SIK3: variants seen among roughly 807,000 people sequenced by gnomAD.
SIK3 encodes the protein serine/threonine-protein kinase SIK3.
Under a neutral mutation model 144.2 loss-of-function variants are expected in SIK3, and 28 were observed. The observed-to-expected ratio is 0.19, with a 90% CI of 0.14 to 0.27. The LOEUF (loss-of-function observed/expected upper bound fraction) is 0.27. Among genes scored for constraint, SIK3 ranks in the 10% least tolerant of loss-of-function variants. SIK3 has a pLI of 1.00. For synonymous variants in SIK3, 686 were observed against 676.3 expected, an observed-to-expected ratio of 1.01 and a Z score of -0.22; for missense variants, 1,319 against 1,776.0, an observed-to-expected ratio of 0.74 and a Z score of 4.62.
rs1555106746 is a variant in SIK3 at position 116,945,404 on chromosome 11, T to TA, written c.454+8639dup. 5.7e-3 allele frequency among the ~76,000 whole-genome samples: 791 copies of TA among 138,882 alleles called. 1 individual carries two copies. The highest frequency in any genetic ancestry group is 0.011 in the Middle Eastern group (3 of 264). 91.1% of individuals were successfully genotyped at this position (138,882 alleles called of 152,430 possible). ...TCTTTTTTTTTTTTTTTTTTTTTTT[T>TA]AAATAACAGAGAATTTCTCCATGTT... On this transcript the variant is annotated intron_variant, in intron 3 of 24. Coordinates refer to ENST00000445177, the MANE Select transcript of SIK3 (RefSeq NM_001366686.3).
At position 117,098,155 on chromosome 11, in the gene SIK3, G is replaced by T; in HGVS notation, c.261C>A (p.Val87=). ...CCTGCGCCGGTACCTTGGCCTTGGTGACGAGGTGCGTGGCCCGCTTGACCA... is the reference window on the plus strand; with the variant it reads ...CCTGCGCCGGTACCTTGGCCTTGGTTACGAGGTGCGTGGCCCGCTTGACCA... ...FAVVKRATHL[V]TKAKVAIKII... The change falls in exon 1 of 25, where the codon GTC becomes GTA. Residue 87 remains valine (V), a synonymous_variant. Coordinates refer to ENST00000445177, the MANE Select transcript of SIK3 (RefSeq NM_001366686.3). 1 of 1,505,696 alleles carries T rather than the reference G, an allele frequency of 6.6e-7. No homozygotes were observed. 93.3% of individuals were successfully genotyped at this position (1,505,696 alleles called of 1,614,324 possible).
chr11:116,998,749 G>C (rs951050281), intron 1 of SIK3, among the ~76,000 whole-genome samples: 34 of 152,252 alleles, frequency 2.2e-4, no homozygotes, highest in African/African-American at 7.5e-4. Flanking sequence ...TTAATCTAGT[G>C]CTCTGCTCTT....
intron 1 of SIK3, among the ~76,000 whole-genome samples, chr11:117,076,147 C>T (rs979665913): frequency 6.6e-6 from 1 of 152,084 alleles, no homozygotes; most frequent in Non-Finnish European, 1.5e-5. Context: ...CTGCACCCGG[C>T]CAGTTACTGA....
rs541910078 is a variant in SIK3 at position 116,879,229 on chromosome 11, T to C, written c.866-2187A>G. Among the ~76,000 whole-genome samples the C allele has an allele frequency of 8.9e-4, 136 of 152,342 alleles. 1 individual carries two copies. Among genetic ancestry groups the C allele is most frequent in the African/African-American group, 3.2e-3 (133 of 41,582 alleles). On this transcript the variant is annotated intron_variant, in intron 6 of 24. Transcript: ENST00000445177. ...TAGGTTTTTAAATTTTCTGCTTCTA[T>C]TTAATCACAACCGTCCTGAAAACAA...
At chr11:117,080,511 T>G (rs996826238) in intron 1 of SIK3, among the ~76,000 whole-genome samples, 1 of 152,228 alleles carries the variant, frequency 6.6e-6, no homozygotes, top group African/African-American at 2.4e-5. Flanking sequence ...TAAATAAAAT[T>G]CTTTTATTTT....
rs1943144588 is a variant in SIK3 at position 116,858,833 on chromosome 11, G to T, written c.2766-134C>A. ...TGTGACAGAGAAGTGGCAGATGTAT[G>T]CATTGTCCCTATTTATTCCATTACT... On this transcript the variant is annotated intron_variant, in intron 20 of 24. Coordinates refer to ENST00000445177, the MANE Select transcript of SIK3 (RefSeq NM_001366686.3). The surrounding 1 kb of genome is among the most constrained non-coding windows in gnomAD (Gnocchi z 5.4). 1 of 1,318,072 alleles carries T rather than the reference G, an allele frequency of 7.6e-7. No individual in the cohort carries two copies. The allele number at this position is 1,318,072 out of a possible 1,614,324, so 81.6% of individuals were successfully genotyped here. A position where few individuals can be genotyped will look rare whatever the true frequency, so the allele number is the denominator to read the frequency against.
chr11:117,063,167 T>C (rs764588677), intron 1 of SIK3, among the ~76,000 whole-genome samples: 5 of 152,196 alleles, frequency 3.3e-5, no homozygotes, highest in East Asian at 1.9e-4. Flanking sequence ...CTTCATATCA[T>C]TGGGTCTAAA....
intron 4 of SIK3, among the ~76,000 whole-genome samples, chr11:116,916,796 C>CA (rs34262569): frequency 1.4e-3 from 179 of 129,830 alleles, no homozygotes; most frequent in Middle Eastern, 4.1e-3. Context: ...AGGTGTGAGC[C>CA]AAAAAAAAAA....
At chr11:116,862,107 A>G in intron 17 of SIK3, 95 bp downstream of exon 17, 1 of 1,565,256 alleles carries the variant, frequency 6.4e-7, no homozygotes, top group Non-Finnish European at 8.8e-7. Context: ...CCTCAAATCC[A>G]CTTTGCACTG....
intron 1 of SIK3, among the ~76,000 whole-genome samples, chr11:116,995,737 A>G (rs1950643827): frequency 6.6e-6 from 1 of 152,206 alleles, no homozygotes; most frequent in East Asian, 1.9e-4. Flanking sequence ...TAACTCTACA[A>G]TAATTATCTT....
At chr11:116,969,571 GAGATCAAGTTGGCATTTTTTGAAAC>G (rs1949695126) in intron 1 of SIK3, among the ~76,000 whole-genome samples, 2 of 108,554 alleles carry the variant, frequency 1.8e-5, no homozygotes, top group African/African-American at 7.1e-5. Context: ...TTGAAACTAA[GAGATCAAGTTGGCATTTTTTGAAAC>G]TAAGTAAAAA....
chr11:116,989,865 A>G (rs1201201530), intron 1 of SIK3, among the ~76,000 whole-genome samples: 3 of 152,224 alleles, frequency 2.0e-5, no homozygotes, highest in East Asian at 3.8e-4. Flanking sequence ...GGTAACTAAA[A>G]ACACACATAG....
intron 7 of SIK3, 145 bp downstream of exon 7, chr11:116,876,779 T>C (rs1376350474): frequency 4.4e-6 from 3 of 681,690 alleles, no homozygotes; most frequent in African/African-American, 3.6e-5. Context: ...CATTCCTTCT[T>C]GCTTGCTTCA....
chr11:116,996,254 G>A (rs1272213009), intron 1 of SIK3, among the ~76,000 whole-genome samples: 2 of 152,108 alleles, frequency 1.3e-5, no homozygotes, highest in African/African-American at 4.8e-5. Context: ...GTTGCAATGA[G>A]CCGAGATTGT....
rs1944231575 is a variant in SIK3 at position 116,875,974 on chromosome 11, T to C, written c.1131A>G (p.Ala377=). 1.2e-6 allele frequency: 2 copies of C among 1,613,334 alleles called. No individual in the cohort carries two copies. The highest frequency in any genetic ancestry group is 8.5e-7 in the Non-Finnish European group (1 of 1,179,816). ...LRSDAYDHYS[A]IYSLLCDRHK... is the part of the protein sequence containing the mutation. The stretch of plus-strand genomic sequence containing the variant: ...GTCGATCACACAGCAGGCTGTAGAT[T>C]GCACTATAGTGATCATAGGCATCTG... Residue 377 remains alanine, a synonymous_variant, in exon 9 of 25, where the codon GCA becomes GCG. Transcript: ENST00000445177.
chr11:116,978,213 C>CAA (rs5795058), intron 1 of SIK3, among the ~76,000 whole-genome samples: 62 of 141,972 alleles, frequency 4.4e-4, no homozygotes, highest in Middle Eastern at 3.5e-3. Flanking sequence ...GACTCCGTCT[C>CAA]AAAAAAAAAA....
At chr11:116,990,612 C>T (rs181725293) in intron 1 of SIK3, among the ~76,000 whole-genome samples, 1 of 152,306 alleles carries the variant, frequency 6.6e-6, no homozygotes, top group East Asian at 1.9e-4. Flanking sequence ...ACACAAGTAT[C>T]TCCAACCAGA....
At chr11:116,870,893 AAAGAG>A (rs1178261506) in intron 13 of SIK3, among the ~76,000 whole-genome samples, 5 of 152,328 alleles carry the variant, frequency 3.3e-5, no homozygotes, top group African/African-American at 1.2e-4. Flanking sequence ...AGGCAGAAGA[AAAGAG>A]AAGGCCTGTA....
intron 1 of SIK3, among the ~76,000 whole-genome samples, chr11:117,057,199 A>G (rs536205260): frequency 3.9e-5 from 6 of 152,372 alleles, no homozygotes; most frequent in African/African-American, 1.4e-4. Context: ...CATGTACAGA[A>G]GAAGATTTAA....
Sources: allele counts gnomAD v4.1 joint callset (sites outside exome capture counted in the v4.1 genomes callset), GRCh38; gene constraint gnomAD v4.1.1; non-coding constraint Gnocchi (gnomAD v3.1); transcripts MANE v1.5; gene names NCBI Gene and HGNC (gene_info 2026-07-23, HGNC 2026-07-21).